The following SCAMP5 variants were observed in gnomAD, a reference collection of about 807,000 sequenced individuals.
SCAMP5 encodes the protein secretory carrier membrane protein 5.
In SCAMP5, 7 loss-of-function variants were observed where a neutral mutation model predicts 28.3. That is an observed-to-expected ratio of 0.25 (90% CI 0.14 to 0.46). The LOEUF (loss-of-function observed/expected upper bound fraction) is 0.46. Ranked by LOEUF, SCAMP5 falls within the 20% of genes least tolerant of loss-of-function variation. The pLI, the probability that SCAMP5 is intolerant of heterozygous loss-of-function variation, is 0.99. For missense variants in SCAMP5, 192 were observed against 312.5 expected (o/e 0.61, Z 2.91); for synonymous variants, 117 against 116.4 (o/e 1.00, Z -0.03).
At chr15:74,998,382 G>A (rs930510438) in intron 1 of SCAMP5, among the ~76,000 whole-genome samples, 1 of 152,122 alleles carries the variant, frequency 6.6e-6, no homozygotes, top group Non-Finnish European at 1.5e-5. Context: ...GAGGCGGGTG[G>A]ATCACCTGAG....
intron 1 of SCAMP5, among the ~76,000 whole-genome samples, chr15:74,999,345 C>A (rs916171681): frequency 1.3e-5 from 2 of 152,202 alleles, no homozygotes; most frequent in African/African-American, 4.8e-5. Context: ...GAAGGGTCTC[C>A]AGTCTCAGCC....
chr15:75,009,441 TTGTGTG>T lies in SCAMP5; in HGVS notation c.-48-2314_-48-2309del, dbSNP rs3057655. On this transcript the variant is annotated intron_variant, in intron 1 of 6. Transcript: ENST00000425597. ...AGAATTTGACTGGAATGCTAGAAGT[TTGTGTG>T]TGTGTGTGTGTGTGTGTGTGTGTGT... Among the ~76,000 whole-genome samples, 217 of 136,138 alleles carry T rather than the reference TTGTGTG, an allele frequency of 1.6e-3. 1 individual carries two copies. Among genetic ancestry groups the T allele is most frequent in the East Asian group, 4.6e-3 (21 of 4,604 alleles). The allele number at this position is 136,138 out of a possible 152,430, so 89.3% of individuals were successfully genotyped here. A position where few individuals can be genotyped will look rare whatever the true frequency, so the allele number is the denominator to read the frequency against.
chr15:75,000,914 A>G (rs1043516825), intron 1 of SCAMP5, among the ~76,000 whole-genome samples: 4 of 151,588 alleles, frequency 2.6e-5, no homozygotes, highest in African/African-American at 9.7e-5. Flanking sequence ...TCTGACTTTC[A>G]CACCTGCTTT....
chr15:75,005,102 G>C (rs972221627), intron 1 of SCAMP5, among the ~76,000 whole-genome samples: 4 of 151,860 alleles, frequency 2.6e-5, no homozygotes, highest in African/African-American at 7.3e-5. Flanking sequence ...TTAAATCTGG[G>C]AGGCAGAGCT....
chr15:75,003,935 G>A (rs937147124), intron 1 of SCAMP5, among the ~76,000 whole-genome samples: 2 of 147,774 alleles, frequency 1.4e-5, no homozygotes, highest in Non-Finnish European at 3.0e-5. Context: ...ATGGAGTTTC[G>A]CTCTTGTTGC....
At position 74,996,493 on chromosome 15, in the gene SCAMP5, G is replaced by A. The variant is rs2065655283; in HGVS notation, c.-49+820G>A. 2.0e-5 allele frequency among the ~76,000 whole-genome samples: 3 copies of A among 152,212 alleles called. No homozygotes were observed. The highest frequency in any genetic ancestry group is 2.0e-4 in the Admixed American group (3 of 15,278). Reference sequence around the variant, plus strand: ...AGTGAGGGCCTGGCAGACTTTCCCAGGGACACAGAGAGAAAGGGAGGCGAC... The same window carrying A: ...AGTGAGGGCCTGGCAGACTTTCCCAAGGACACAGAGAGAAAGGGAGGCGAC... On this transcript the variant is annotated intron_variant, in intron 1 of 6. Coordinates refer to ENST00000425597, the MANE Select transcript of SCAMP5 (RefSeq NM_138967.4). The surrounding 1 kb of genome is among the most constrained non-coding windows in gnomAD (Gnocchi z 4.1).
intron 4 of SCAMP5, 119 bp from the exon 5 acceptor site, chr15:75,017,751 A>C: frequency 1.3e-6 from 1 of 745,234 alleles, no homozygotes; most frequent in South Asian, 1.4e-5. Flanking sequence ...CCTCTCAATT[A>C]AGGCCTTTAA....
At position 75,016,593 on chromosome 15, in the gene SCAMP5, T is replaced by C; in HGVS notation, c.137T>C (p.Leu46Ser). 6.2e-7 allele frequency: 1 copy of C among 1,612,030 alleles called. No individual in the cohort carries two copies. Among genetic ancestry groups the C allele is most frequent in the Non-Finnish European group, 8.5e-7 (1 of 1,179,372 alleles). Residue 46 changes from leucine to serine, a missense_variant and splice_region_variant, in exon 4 of 7, where the codon TTG becomes TCG. Transcript: ENST00000425597. ...MTKRLYYLWMLNSVTLAVNLV... is the reference protein window; with the variant it reads ...MTKRLYYLWMSNSVTLAVNLV... ...TGTGCATGTGCTCCTGGGCCTGCAGTGAACAGCGTCACGCTGGCCGTGAAC... is the reference window on the plus strand; with the variant it reads ...TGTGCATGTGCTCCTGGGCCTGCAGCGAACAGCGTCACGCTGGCCGTGAAC...
At chr15:75,014,020 G>T (rs554700070) in intron 3 of SCAMP5, among the ~76,000 whole-genome samples, 1 of 151,936 alleles carries the variant, frequency 6.6e-6, no homozygotes, top group African/African-American at 2.4e-5. Context: ...AGGCATGTGA[G>T]GGGGAGGCAA....
intron 1 of SCAMP5, among the ~76,000 whole-genome samples, chr15:74,999,523 G>A (rs8040961): frequency 0.2 from 30,363 of 152,082 alleles, 4,835 homozygotes; most frequent in South Asian, 0.43. Flanking sequence ...GTTTTCCCGA[G>A]GCGGAGCTTG....
At chr15:75,014,828 G>T (rs548400709) in intron 3 of SCAMP5, among the ~76,000 whole-genome samples, 8 of 152,274 alleles carry the variant, frequency 5.3e-5, no homozygotes, top group African/African-American at 1.9e-4. Context: ...AGGTTGGACT[G>T]GGGAGAGATG....
chr15:75,010,315 C>T (rs2065799428), intron 1 of SCAMP5, among the ~76,000 whole-genome samples: 1 of 152,170 alleles, frequency 6.6e-6, no homozygotes, highest in African/African-American at 2.4e-5. Flanking sequence ...CGCCTCATCT[C>T]ACACAGGCTT....
Position 75,011,826 on chromosome 15 carries a change from C to T in SCAMP5, c.-14C>T. 1 of 1,612,458 alleles carries T rather than the reference C, an allele frequency of 6.2e-7. No homozygotes were observed. The highest frequency in any genetic ancestry group is 1.1e-5 in the South Asian group (1 of 90,996). On this transcript the variant is annotated 5_prime_UTR_variant, in exon 2 of 7. Transcript: ENST00000425597. ...AAGAGGTGTGGGCAGGCCACTGGGC[C>T]AGCTGGTAACATCATGGCAGGTAAG...
Position 75,018,389 on chromosome 15 carries a change from C to T in SCAMP5, c.396-29C>T, listed in dbSNP as rs769292909. 108 of 1,459,022 alleles carry T rather than the reference C, an allele frequency of 7.4e-5. No individual in the cohort carries two copies. Among genetic ancestry groups the T allele is most frequent in the Non-Finnish European group, 9.3e-5 (97 of 1,038,880 alleles). The allele number at this position is 1,459,022 out of a possible 1,614,324, so 90.4% of individuals were successfully genotyped here. ...GCTCCTGGGCACCTCTTATCCTGCCCGCAGCCCCACACTGGCCTCTTCCTG... is the reference window on the plus strand; with the variant it reads ...GCTCCTGGGCACCTCTTATCCTGCCTGCAGCCCCACACTGGCCTCTTCCTG... On this transcript the variant is annotated intron_variant, in intron 5 of 6. Transcript: ENST00000425597. The surrounding 1 kb of genome is among the most constrained non-coding windows in gnomAD (Gnocchi z 5.6).
chr15:75,008,246 A>G (rs2065779065), intron 1 of SCAMP5, among the ~76,000 whole-genome samples: 2 of 152,108 alleles, frequency 1.3e-5, no homozygotes, highest in African/African-American at 2.4e-5. Context: ...AAACTTATTA[A>G]TAAGTATATA....
chr15:75,001,482 CA>C (rs2065707669), intron 1 of SCAMP5, among the ~76,000 whole-genome samples: 1 of 151,356 alleles, frequency 6.6e-6, no homozygotes, highest in African/African-American at 2.4e-5. Context: ...TCCTCTATCA[CA>C]GAGAAAATTG....
In SCAMP5 at chr15:75,016,851, C is replaced by T. The variant is rs1294721488; in HGVS notation, c.293+102C>T. On this transcript the variant is annotated intron_variant, in intron 4 of 6. Transcript: ENST00000425597. ...CTTCTTTTTTTTTTTTTTTACCCTC[C>T]CCCAAACTCACTTTCCCTTGCTCAC... 6.5e-6 allele frequency: 7 copies of T among 1,069,434 alleles called. No individual in the cohort carries two copies. In the African/African-American group the frequency reaches 1.1e-4, roughly 17 times the overall value. 66.2% of individuals were successfully genotyped at this position (1,069,434 alleles called of 1,614,324 possible).
chr15:75,004,556 C>T (rs1314376868), intron 1 of SCAMP5, among the ~76,000 whole-genome samples: 1 of 151,434 alleles, frequency 6.6e-6, no homozygotes, highest in Non-Finnish European at 1.5e-5. Flanking sequence ...ATGGCGAAAC[C>T]TTCTCTCTGC....
chr15:75,004,851 C>T (rs114304374), intron 1 of SCAMP5, among the ~76,000 whole-genome samples: 250 of 151,998 alleles, frequency 1.6e-3, no homozygotes, highest in African/African-American at 5.8e-3. Context: ...CTCTAGTTGT[C>T]CTAAAAATGT....
Sources: allele counts gnomAD v4.1 joint callset (sites outside exome capture counted in the v4.1 genomes callset), GRCh38; gene constraint gnomAD v4.1.1; non-coding constraint Gnocchi (gnomAD v3.1); transcripts MANE v1.5; gene names NCBI Gene and HGNC (gene_info 2026-07-23, HGNC 2026-07-21).